The following PRRC2C variants were observed in gnomAD, a reference collection of about 807,000 sequenced individuals.
PRRC2C encodes proline rich coiled-coil 2C.
Under a neutral mutation model 317.2 loss-of-function variants are expected in PRRC2C, and 72 were observed. The observed-to-expected ratio is 0.23, with a 90% CI of 0.19 to 0.28. The LOEUF is 0.28. Among genes scored for constraint, PRRC2C ranks in the 10% least tolerant of loss-of-function variants. PRRC2C has a pLI of 1.00. For missense variants in PRRC2C, 3,074 were observed against 3,459.7 expected (o/e 0.89, Z 2.80); for synonymous variants, 1,296 against 1,205.9 (o/e 1.07, Z -1.55).
intron 18 of PRRC2C, among the ~76,000 whole-genome samples, chr1:171,552,080 C>G (rs894636954): frequency 5.9e-5 from 9 of 152,132 alleles, no homozygotes; most frequent in Non-Finnish European, 1.0e-4. Context: ...GATACTGATT[C>G]TTTCTATCCA....
rs1398489039 is a variant in PRRC2C at position 171,586,752 on chromosome 1, C to T, written c.7750-251C>T. ...CATGCCACCACATGCAGCTAATTTT[C>T]GTATTTTTTTTTTTTAGTAGAGACA... On this transcript the variant is annotated intron_variant, in intron 30 of 34. Transcript: ENST00000647382. 1.1e-4 allele frequency among the ~76,000 whole-genome samples: 17 copies of T among 149,814 alleles called. No individual in the cohort carries two copies. In the East Asian group the frequency reaches 2.6e-3, roughly 23 times the overall value.
At chr1:171,516,583 G>T (rs1314704976) in intron 5 of PRRC2C, among the ~76,000 whole-genome samples, 1 of 152,172 alleles carries the variant, frequency 6.6e-6, no homozygotes, top group Non-Finnish European at 1.5e-5. Context: ...ATTTTGTTCA[G>T]TTGAATTTTC....
At chr1:171,523,577 G>A in intron 9 of PRRC2C, 55 bp downstream of exon 9, 1 of 1,350,856 alleles carries the variant, frequency 7.4e-7, no homozygotes, top group South Asian at 1.3e-5. Flanking sequence ...TACAATATTA[G>A]CTACTTATGC....
chr1:171,545,144 T>C (rs1678823217), intron 16 of PRRC2C, among the ~76,000 whole-genome samples: 1 of 152,198 alleles, frequency 6.6e-6, no homozygotes, highest in Admixed American at 6.5e-5. Flanking sequence ...TACTTTGAAC[T>C]TGCTTGGATC....
At chr1:171,521,145 C>T (rs1479608240) in intron 6 of PRRC2C, among the ~76,000 whole-genome samples, 1 of 152,076 alleles carries the variant, frequency 6.6e-6, no homozygotes, top group African/African-American at 2.4e-5. Context: ...ATAAACATAG[C>T]CTTACTTCAA....
chr1:171,532,240 A>G, intron 11 of PRRC2C, 103 bp from the exon 12 acceptor site: 2 of 1,233,204 alleles, frequency 1.6e-6, no homozygotes, highest in Non-Finnish European at 2.2e-6. Flanking sequence ...TTCATCAGAG[A>G]AATTTCTGAT....
rs532594820 is a variant in PRRC2C, at chr1:171,514,398, G to A, written c.291-138G>A. 1.0e-4 allele frequency: 68 copies of A among 666,160 alleles called. 2 individuals are homozygous for A. In the South Asian group the frequency reaches 1.4e-3, roughly 14 times the overall value. The allele number at this position is 666,160 out of a possible 1,614,324, so 41.3% of individuals were successfully genotyped here. On this transcript the variant is annotated intron_variant, in intron 3 of 34. Coordinates refer to ENST00000647382, the MANE Select transcript of PRRC2C (RefSeq NM_001387844.1). ...AATTCATTTAAAGGAATGTTGCAGA[G>A]AGAAAACATTTATTGGAGATTTACC...
intron 16 of PRRC2C, among the ~76,000 whole-genome samples, chr1:171,543,344 G>C (rs1310638821): frequency 2.7e-5 from 4 of 150,780 alleles, no homozygotes; most frequent in African/African-American, 7.3e-5. Context: ...AAAAAAAGTT[G>C]GTTATAGTAA....
At chr1:171,586,010 A>T (rs1649822750) in intron 30 of PRRC2C, among the ~76,000 whole-genome samples, 1 of 150,798 alleles carries the variant, frequency 6.6e-6, no homozygotes, top group Non-Finnish European at 1.5e-5. Flanking sequence ...TTGTGCATGA[A>T]ACAGAAGTTC....
Position 171,485,590 on chromosome 1 carries a change from G to A in PRRC2C, c.-203G>A, listed in dbSNP as rs554720845. 4.0e-4 allele frequency: 61 copies of A among 152,776 alleles called. No homozygotes were observed. Among genetic ancestry groups the A allele is most frequent in the African/African-American group, 1.3e-3 (56 of 41,560 alleles). The allele number at this position is 152,776 out of a possible 1,614,324, so 9.5% of individuals were successfully genotyped here. A position where few individuals can be genotyped will look rare whatever the true frequency, so the allele number is the denominator to read the frequency against. ...CCTCGGAAAGCTGCGAAAGTGCTTT[G>A]GCGGTTTGTCCATCCGCAGCTTCGG... is the stretch of plus-strand genomic sequence containing the variant. On this transcript the variant is annotated 5_prime_UTR_variant, in exon 1 of 35. Coordinates refer to ENST00000647382, the MANE Select transcript of PRRC2C (RefSeq NM_001387844.1).
intron 18 of PRRC2C, among the ~76,000 whole-genome samples, chr1:171,555,290 C>T (rs557660731): frequency 3.3e-5 from 5 of 152,144 alleles, no homozygotes; most frequent in Non-Finnish European, 7.4e-5. Context: ...ACGTAGCTCT[C>T]GTGCCATGGT....
intron 1 of PRRC2C, among the ~76,000 whole-genome samples, chr1:171,508,230 G>C (rs1005616932): frequency 6.6e-6 from 1 of 152,096 alleles, no homozygotes. Context: ...TAGATTTCAG[G>C]AAAAAGCCTT....
intron 14 of PRRC2C, 78 bp downstream of exon 14, chr1:171,536,356 G>A: frequency 6.8e-7 from 1 of 1,468,654 alleles, no homozygotes. Flanking sequence ...TCCTTTGAGA[G>A]TTGTAATCTA....
intron 26 of PRRC2C, among the ~76,000 whole-genome samples, chr1:171,578,150 TACTG>T (rs1647594206): frequency 6.6e-6 from 1 of 152,066 alleles, no homozygotes; most frequent in South Asian, 2.1e-4. Context: ...TGTACATACT[TACTG>T]TAGTAACAGT....
intron 1 of PRRC2C, among the ~76,000 whole-genome samples, chr1:171,490,349 C>T (rs1169046736): frequency 6.6e-6 from 1 of 152,154 alleles, no homozygotes; most frequent in Non-Finnish European, 1.5e-5. Context: ...TGTATTCCAC[C>T]CTTTGGGACA....
chr1:171,542,823 T>C (rs1260313257), intron 16 of PRRC2C, among the ~76,000 whole-genome samples: 2 of 151,918 alleles, frequency 1.3e-5, no homozygotes, highest in Non-Finnish European at 2.9e-5. Flanking sequence ...TGCAGTGGCG[T>C]GATCTCGGCT....
At chr1:171,588,075 C>T (rs1195443205) in intron 32 of PRRC2C, among the ~76,000 whole-genome samples, 2 of 152,076 alleles carry the variant, frequency 1.3e-5, no homozygotes, top group Non-Finnish European at 2.9e-5. Context: ...TGGGCTCAAG[C>T]AAGCCTCCTG....
At chr1:171,568,158 C>A in intron 22 of PRRC2C, 89 bp from the exon 23 acceptor site, 3 of 1,447,708 alleles carry the variant, frequency 2.1e-6, no homozygotes, top group Non-Finnish European at 2.7e-6. Context: ...GCACTCCAGC[C>A]TGCATGATAG....
At chr1:171,516,006 T>G in intron 5 of PRRC2C, 147 bp downstream of exon 5, 1 of 824,326 alleles carries the variant, frequency 1.2e-6, no homozygotes, top group African/African-American at 1.7e-5. Flanking sequence ...CAGGTATGAT[T>G]TTTGCACCGA....
Sources: allele counts gnomAD v4.1 joint callset (sites outside exome capture counted in the v4.1 genomes callset), GRCh38; gene constraint gnomAD v4.1.1; transcripts MANE v1.5; gene names NCBI Gene and HGNC (gene_info 2026-07-23, HGNC 2026-07-21).